Variants in DNAH5 observed in about 807,000 individuals in gnomAD.
DNAH5 encodes axonemal beta dynein heavy chain 5.
Under a neutral mutation model 518.2 loss-of-function variants are expected in DNAH5, and 372 were observed. That is an observed-to-expected ratio of 0.72 (90% CI 0.66 to 0.78). DNAH5 has a LOEUF of 0.78. DNAH5 is among the 30% of genes least tolerant of loss of function. The probability of loss-of-function intolerance (pLI) is 0.00; values close to 1 mark genes in which losing one functional copy is unlikely to be tolerated. For missense variants in DNAH5, 5,523 were observed against 5,687.0 expected (o/e 0.97, Z 0.93); for synonymous variants, 2,039 against 2,025.9 (o/e 1.01, Z -0.17).
At chr5:14,009,203 C>A (rs573817668) in intron 1 of DNAH5, among the ~76,000 whole-genome samples, 3 of 152,190 alleles carry the variant, frequency 2.0e-5, no homozygotes, top group African/African-American at 7.2e-5. Context: ...AATAAACAGC[C>A]GCTCTGGTGA....
Position 13,977,728 on chromosome 5 carries a change from T to A in DNAH5, c.12+33920A>T, listed in dbSNP as rs376726735. Reference sequence around the variant, plus strand: ...GGTCCCAGCCCAGGATGGGATCCAATCCCAAATGGGATCCAACTGTACCTG... The same window carrying A: ...GGTCCCAGCCCAGGATGGGATCCAAACCCAAATGGGATCCAACTGTACCTG... On this transcript the variant is annotated intron_variant, in intron 1 of 78. Coordinates refer to the DNAH5 transcript ENST00000681290. Among the ~76,000 whole-genome samples the A allele has an allele frequency of 9.9e-5, 15 of 151,958 alleles. No individual in the cohort carries two copies. The East Asian group carries it at 1.5e-3, about 16-fold the overall frequency.
intron 21 of DNAH5, 56 bp downstream of exon 21, chr5:13,882,672 A>G: frequency 7.4e-7 from 1 of 1,351,832 alleles, no homozygotes; most frequent in East Asian, 2.3e-5. Context: ...AAAACATTTA[A>G]GCTCAATGAA....
intron 30 of DNAH5, among the ~76,000 whole-genome samples, chr5:13,858,728 G>A (rs1266404836): frequency 6.6e-6 from 1 of 152,150 alleles, no homozygotes; most frequent in Non-Finnish European, 1.5e-5. Flanking sequence ...TCTGTCATCT[G>A]TAATTAAACT....
intron 70 of DNAH5, among the ~76,000 whole-genome samples, chr5:13,722,693 G>C (rs1362230347): frequency 6.6e-6 from 1 of 152,220 alleles, no homozygotes; most frequent in African/African-American, 2.4e-5. Context: ...AACACAAAAA[G>C]AGGAGCATTT....
chr5:13,751,986 C>A (rs1750299872), intron 64 of DNAH5, 148 bp downstream of exon 64: 2 of 827,318 alleles, frequency 2.4e-6, no homozygotes, highest in African/African-American at 3.4e-5. Context: ...TATTTTAATC[C>A]AAAGTCAAGA....
chr5:13,906,361 A>G (rs1775294076), intron 12 of DNAH5, among the ~76,000 whole-genome samples: 1 of 152,136 alleles, frequency 6.6e-6, no homozygotes, highest in African/African-American at 2.4e-5. Context: ...GGGGGAGAGT[A>G]GGGGGAATAT....
chr5:13,771,013 A>C, intron 55 of DNAH5, 33 bp from the exon 56 acceptor site: 2 of 1,520,662 alleles, frequency 1.3e-6, no homozygotes, highest in Non-Finnish European at 1.8e-6. Flanking sequence ...TGTGTGAAAT[A>C]TGTATGTAAG....
At chr5:13,804,730 T>G (rs1426160563) in intron 47 of DNAH5, among the ~76,000 whole-genome samples, 1 of 152,222 alleles carries the variant, frequency 6.6e-6, no homozygotes, top group Non-Finnish European at 1.5e-5. Flanking sequence ...GCTAAAGCCA[T>G]GTGTATCAGA....
chr5:13,779,637 T>C (rs888807796), intron 53 of DNAH5, among the ~76,000 whole-genome samples: 6 of 152,206 alleles, frequency 3.9e-5, no homozygotes, highest in Non-Finnish European at 7.4e-5. Context: ...TGTTTATTTC[T>C]TCATGTTCAC....
At chr5:13,718,844 G>A (rs775356212) in intron 72 of DNAH5, 38 bp downstream of exon 72, 1 of 1,530,216 alleles carries the variant, frequency 6.5e-7, no homozygotes, top group Non-Finnish European at 9.1e-7. Flanking sequence ...ATTTAAGTAA[G>A]GAAACTCCTG....
chr5:13,838,465 A>G (rs1764710040), intron 35 of DNAH5, among the ~76,000 whole-genome samples: 1 of 151,982 alleles, frequency 6.6e-6, no homozygotes, highest in South Asian at 2.1e-4. Flanking sequence ...TAGGAGCACA[A>G]CCTTTATTAT....
At chr5:13,791,661 G>A (rs1409243138) in intron 50 of DNAH5, among the ~76,000 whole-genome samples, 1 of 152,070 alleles carries the variant, frequency 6.6e-6, no homozygotes. Context: ...AATCCATAGC[G>A]ATTGTTTCCA....
chr5:13,951,208 GTTTTTTTTTTTTTTTT>G (rs869082404), intron 1 of DNAH5, among the ~76,000 whole-genome samples: 1 of 66,594 alleles, frequency 1.5e-5, no homozygotes, highest in South Asian at 8.2e-4. Context: ...TGTTTTTTTC[GTTTTTTTTTTTTTTTT>G]TTTTTTTTTT....
Position 13,792,188 on chromosome 5 carries a change from G to C in DNAH5, c.8254C>G (p.Gln2752Glu). 1 of 1,613,958 alleles carries C rather than the reference G, an allele frequency of 6.2e-7. No homozygotes were observed. ...CTCACTTCTTCTGAGAAACCCCTCT[G>C]AGTACAGTAGTGGCCTACCCCAATC... ...GVIGVGHYCT[Q>E]RGFSEEVRDS... is the part of the protein sequence containing the mutation. Residue 2752 changes from glutamine (Q) to glutamate (E), a missense_variant, in exon 50 of 79, where the codon CAG (glutamine) becomes GAG (glutamate). This residue lies in a region of DNAH5 where 5,121 missense variants were observed against 5,223.3 expected (regional missense o/e 0.98). Coordinates refer to ENST00000265104, the MANE Select transcript of DNAH5 (RefSeq NM_001369.3).
rs758311625 is a variant in DNAH5, at chr5:13,721,220, A to G, written c.12059T>C (p.Met4020Thr). 3.1e-6 allele frequency: 5 copies of G among 1,614,130 alleles called. No homozygotes were observed. Among genetic ancestry groups the G allele is most frequent in the East Asian group, 4.5e-5 (2 of 44,876 alleles). The change falls in exon 71 of 79, where the codon ATG (methionine) becomes ACG (threonine). Residue 4020 changes from methionine to threonine, a missense_variant. Physicochemically the swap from Met to Thr is moderately conservative, Grantham distance 81. This residue lies in a region of DNAH5 where 5,121 missense variants were observed against 5,223.3 expected (regional missense o/e 0.98). Transcript: ENST00000265104. Reference sequence around the variant, plus strand: ...AACACCTTCGGCATATTTTTCTCCCATGGAGTCCACGATGTACTTGCGGGC... The same window carrying G: ...AACACCTTCGGCATATTTTTCTCCCGTGGAGTCCACGATGTACTTGCGGGC... ...AQARKYIVDS[M>T]GEKYAEGVIL...
Position 13,707,777 on chromosome 5 carries a change from G to A in DNAH5, c.13338+346C>T, listed in dbSNP as rs1742992988. 6.6e-6 allele frequency among the ~76,000 whole-genome samples: 1 copy of A among 152,148 alleles called. No homozygotes were observed. Among genetic ancestry groups the A allele is most frequent in the Non-Finnish European group, 1.5e-5 (1 of 68,032 alleles). The stretch of plus-strand genomic sequence containing the variant: ...ACATCATGGACTTTGGAGTCCAGGA[G>A]CTTGGGTTTAAATTCTGATTCTTGG... On this transcript the variant is annotated intron_variant, in intron 76 of 78. Coordinates refer to ENST00000265104, the MANE Select transcript of DNAH5 (RefSeq NM_001369.3). The surrounding 1 kb of genome is among the most constrained non-coding windows in gnomAD (Gnocchi z 4.0).
intron 27 of DNAH5, 54 bp from the exon 28 acceptor site, chr5:13,864,691 T>C: frequency 6.3e-7 from 1 of 1,599,890 alleles, no homozygotes; most frequent in Non-Finnish European, 8.6e-7. Flanking sequence ...TAGACATCAC[T>C]GGACCAAGAC....
intron 74 of DNAH5, among the ~76,000 whole-genome samples, chr5:13,716,018 T>C (rs888988923): frequency 6.6e-6 from 1 of 152,222 alleles, no homozygotes; most frequent in African/African-American, 2.4e-5. Flanking sequence ...ACAAAGCAGC[T>C]TCCTGGACAT....
chr5:13,881,068 A>G (rs1771607838), intron 21 of DNAH5, among the ~76,000 whole-genome samples: 1 of 152,028 alleles, frequency 6.6e-6, no homozygotes, highest in Admixed American at 6.6e-5. Context: ...TCATCATATA[A>G]TAAAAAGGGA....
Sources: allele counts gnomAD v4.1 joint callset (sites outside exome capture counted in the v4.1 genomes callset), GRCh38; gene constraint gnomAD v4.1.1; regional missense constraint gnomAD v4.1.1; non-coding constraint Gnocchi (gnomAD v3.1); transcripts MANE v1.5; gene names NCBI Gene and HGNC (gene_info 2026-07-23, HGNC 2026-07-21).